The following COL11A1 variants were observed in gnomAD, a reference collection of about 807,000 sequenced individuals.
The protein encoded by COL11A1 is collagen alpha-1(XI) chain.
COL11A1 carries 74 observed loss-of-function variants against 265.2 expected under a neutral mutation model. The ratio of observed to expected loss-of-function variants is 0.28; its 90% CI spans 0.23 to 0.34. COL11A1 has a LOEUF of 0.34. Ranked by LOEUF, COL11A1 falls within the 10% of genes least tolerant of loss-of-function variation. The pLI is 1.00. For synonymous variants in COL11A1, 816 were observed against 727.6 expected (o/e 1.12, Z -1.96); for missense variants, 2,165 against 2,263.6 (o/e 0.96, Z 0.88).
At chr1:103,025,686 T>TAA in intron 6 of COL11A1, 73 bp from the exon 7 acceptor site, 1 of 1,563,868 alleles carries the variant, frequency 6.4e-7, no homozygotes, top group Middle Eastern at 1.7e-4. Context: ...ATGATTTAAT[T>TAA]GGGTTATAGT....
At chr1:103,101,348 T>A (rs1674256733) in intron 1 of COL11A1, among the ~76,000 whole-genome samples, 2 of 151,984 alleles carry the variant, frequency 1.3e-5, no homozygotes, top group Admixed American at 1.3e-4. Context: ...TAGGTTGAGC[T>A]CCACTCTTAG....
chr1:102,880,143 G>T, intron 65 of COL11A1: 1 of 489,984 alleles, frequency 2.0e-6, no homozygotes. Context: ...GCTTATCTTT[G>T]AAAAAACCAC....
At chr1:102,907,331 T>C (rs1654105076) in intron 54 of COL11A1, among the ~76,000 whole-genome samples, 1 of 152,022 alleles carries the variant, frequency 6.6e-6, no homozygotes, top group African/African-American at 2.4e-5. Flanking sequence ...AAATAATTTA[T>C]CAAAAATCAA....
Position 103,025,873 on chromosome 1 carries a change from G to T in COL11A1, c.898-260C>A, listed in dbSNP as rs968753888. 2 of 1,613,248 alleles carry T rather than the reference G, an allele frequency of 1.2e-6. No homozygotes were observed. The highest frequency in any genetic ancestry group is 1.7e-5 in the Admixed American group (1 of 59,976). On this transcript the variant is annotated intron_variant, in intron 6 of 66. Coordinates refer to ENST00000370096, the MANE Select transcript of COL11A1 (RefSeq NM_001854.4). ...CTTGGATGAAAATTTTTCAGATTTGGGGGGTGTAAACTTTTTGGATTTTTC... is the reference window on the plus strand; with the variant it reads ...CTTGGATGAAAATTTTTCAGATTTGTGGGGTGTAAACTTTTTGGATTTTTC...
At chr1:102,883,808 TA>T (rs11322087) in intron 63 of COL11A1, among the ~76,000 whole-genome samples, 24,659 of 145,446 alleles carry the variant, frequency 0.17, 2,062 homozygotes, top group Middle Eastern at 0.25. Flanking sequence ...CCTTATTTTA[TA>T]AAAAAAAAAA....
intron 28 of COL11A1, among the ~76,000 whole-genome samples, chr1:102,990,717 G>A (rs1225917715): frequency 6.6e-6 from 1 of 152,042 alleles, no homozygotes; most frequent in Admixed American, 6.6e-5. Flanking sequence ...GGAGTATTTT[G>A]AGGTTTTTGT....
At chr1:103,006,526 ATTTTTTTTT>A (rs4013849) in intron 15 of COL11A1, among the ~76,000 whole-genome samples, 6 of 82,862 alleles carry the variant, frequency 7.2e-5, no homozygotes, top group Non-Finnish European at 1.1e-4. Context: ...AAATGGCTCC[ATTTTTTTTT>A]TTTTTTTTTT....
intron 36 of COL11A1, 121 bp downstream of exon 36, chr1:102,974,709 A>G: frequency 1.3e-6 from 1 of 747,320 alleles, no homozygotes; most frequent in Non-Finnish European, 2.2e-6. Flanking sequence ...TTTGACATCA[A>G]TTGTAATTTT....
At chr1:102,985,693 A>G (rs928965767) in intron 30 of COL11A1, among the ~76,000 whole-genome samples, 2 of 152,188 alleles carry the variant, frequency 1.3e-5, no homozygotes, top group Admixed American at 6.6e-5. Flanking sequence ...AATGTTAAAG[A>G]AGAAAAGAAC....
chr1:103,023,384 AGATG>A (rs1439936146), intron 7 of COL11A1, among the ~76,000 whole-genome samples: 1 of 128,216 alleles, frequency 7.8e-6, no homozygotes, highest in Non-Finnish European at 1.7e-5. Context: ...TTTTTTTTTG[AGATG>A]GATGGAGTTT....
At chr1:103,030,804 A>T (rs1667922352) in intron 5 of COL11A1, 6 of 352,810 alleles carry the variant, frequency 1.7e-5, no homozygotes, top group Non-Finnish European at 2.7e-5. Flanking sequence ...AATTATTTAA[A>T]TGCTAATGGT....
chr1:103,104,212 T>A (rs1048145568), intron 1 of COL11A1, among the ~76,000 whole-genome samples: 1 of 152,070 alleles, frequency 6.6e-6, no homozygotes, highest in African/African-American at 2.4e-5. Context: ...AAATCCTTGT[T>A]ATCATGAAAT....
chr1:102,903,323 T>C (rs1392025704), intron 54 of COL11A1, among the ~76,000 whole-genome samples: 3 of 152,182 alleles, frequency 2.0e-5, no homozygotes, highest in Non-Finnish European at 2.9e-5. Flanking sequence ...CTTACAACAT[T>C]ATGATCAATA....
intron 13 of COL11A1, 103 bp downstream of exon 13, chr1:103,014,408 G>T: frequency 1.0e-6 from 1 of 991,508 alleles, no homozygotes; most frequent in Non-Finnish European, 1.6e-6. Flanking sequence ...GTATTCGGAA[G>T]TAAATATTCT....
chr1:102,906,542 G>T (rs1654003470), intron 54 of COL11A1, among the ~76,000 whole-genome samples: 1 of 151,942 alleles, frequency 6.6e-6, no homozygotes, highest in Non-Finnish European at 1.5e-5. Flanking sequence ...CAAGTAGCTG[G>T]GACTACAGGC....
intron 4 of COL11A1, among the ~76,000 whole-genome samples, chr1:103,062,963 CTATT>C (rs1350948122): frequency 2.5e-4 from 38 of 152,060 alleles, no homozygotes; most frequent in African/African-American, 8.9e-4. Context: ...TCACTCAACA[CTATT>C]TACATGAGCA....
chr1:103,007,331 G>T (rs551732790), intron 15 of COL11A1, among the ~76,000 whole-genome samples: 1 of 151,938 alleles, frequency 6.6e-6, no homozygotes, highest in Non-Finnish European at 1.5e-5. Context: ...ACTTTTCGTG[G>T]GGATCGATAT....
chr1:102,910,178 T>C (rs1654479364), intron 54 of COL11A1, among the ~76,000 whole-genome samples: 1 of 151,962 alleles, frequency 6.6e-6, no homozygotes, highest in Non-Finnish European at 1.5e-5. Context: ...TTTGCATTAA[T>C]ACTCTTTAAT....
At chr1:102,997,752 G>A (rs1300608437) in intron 25 of COL11A1, among the ~76,000 whole-genome samples, 1 of 151,828 alleles carries the variant, frequency 6.6e-6, no homozygotes, top group African/African-American at 2.4e-5. Context: ...TAACTGTAGA[G>A]ATTACATAAT....
Sources: allele counts gnomAD v4.1 joint callset (sites outside exome capture counted in the v4.1 genomes callset), GRCh38; gene constraint gnomAD v4.1.1; transcripts MANE v1.5; gene names NCBI Gene and HGNC (gene_info 2026-07-23, HGNC 2026-07-21).